UROS: variants seen among roughly 807,000 people sequenced by gnomAD.
UROS encodes the protein uroporphyrinogen III synthase.
UROS carries 18 observed loss-of-function variants against 33.0 expected under a neutral mutation model. The observed-to-expected ratio is 0.55, with a 90% CI of 0.38 to 0.81. UROS has a LOEUF of 0.81. UROS is among the 30% of genes least tolerant of loss of function. UROS has a pLI of 0.00. For synonymous variants in UROS, 114 were observed against 121.1 expected (o/e 0.94, Z 0.38); for missense variants, 293 against 314.9 (o/e 0.93, Z 0.53).
intron 6 of UROS, among the ~76,000 whole-genome samples, chr10:125,798,375 A>G (rs1851539986): frequency 6.6e-6 from 1 of 152,216 alleles, no homozygotes; most frequent in Non-Finnish European, 1.5e-5. Flanking sequence ...AGGTGCTCAG[A>G]AAATGAACAT....
chr10:125,811,188 G>C (rs898659500), intron 5 of UROS, among the ~76,000 whole-genome samples: 1 of 152,234 alleles, frequency 6.6e-6, no homozygotes, highest in Admixed American at 6.5e-5. Flanking sequence ...AAGGGGATGT[G>C]ATGCTCAAAA....
chr10:125,822,208 C>T (rs1201126702), intron 1 of UROS, among the ~76,000 whole-genome samples: 1 of 152,202 alleles, frequency 6.6e-6, no homozygotes, highest in Non-Finnish European at 1.5e-5. Flanking sequence ...GGCTGCATCC[C>T]CACCTGCCAC....
At position 125,816,230 on chromosome 10, in the gene UROS, A is replaced by G; in HGVS notation, c.94T>C (p.Leu32=). Residue 32 remains leucine, a synonymous_variant, in exon 3 of 10, where the codon TTG becomes CTG. Coordinates refer to ENST00000368797, the MANE Select transcript of UROS (RefSeq NM_000375.3). ...ELGLYGLEAT[L]IPVLSFEFLS... ...AACTCAAACGATAAAACAGGGATCA[A>G]AGTGGCTTCAAGTCCATATAATCCT... is the stretch of plus-strand genomic sequence containing the variant. 1.2e-6 allele frequency: 2 copies of G among 1,614,238 alleles called. No individual in the cohort carries two copies. Among genetic ancestry groups the G allele is most frequent in the Non-Finnish European group, 1.7e-6 (2 of 1,180,038 alleles).
chr10:125,789,837 G>A (rs181268371), intron 9 of UROS, among the ~76,000 whole-genome samples: 142 of 152,280 alleles, frequency 9.3e-4, no homozygotes, highest in Non-Finnish European at 1.7e-3. Context: ...TAGCCTCTCT[G>A]ATCCTCACCT....
In UROS at chr10:125,817,287, C is replaced by T. The variant is rs1037107177; in HGVS notation, c.-26-762G>A. Among the ~76,000 whole-genome samples the T allele has an allele frequency of 6.8e-5, 9 of 133,030 alleles. No homozygotes were observed. In the East Asian group the frequency reaches 1.6e-3, roughly 23 times the overall value. The allele number at this position is 133,030 out of a possible 152,430, so 87.3% of individuals were successfully genotyped here. ...TTCACCATGTTGCCCAGGCTAGTCTCGAACTCCTGAGCTCAGGTGATCTAC... is the reference window on the plus strand; with the variant it reads ...TTCACCATGTTGCCCAGGCTAGTCTTGAACTCCTGAGCTCAGGTGATCTAC... On this transcript the variant is annotated intron_variant, in intron 1 of 9. Coordinates refer to ENST00000368797, the MANE Select transcript of UROS (RefSeq NM_000375.3).
At chr10:125,794,745 A>G in intron 9 of UROS, 135 bp downstream of exon 9, 1 of 792,542 alleles carries the variant, frequency 1.3e-6, no homozygotes, top group Non-Finnish European at 2.0e-6. Context: ...CAGGAGGTAG[A>G]GCTGCCCTTC....
rs899209110 is a variant in UROS, at chr10:125,788,858, G to T, written c.*10C>A. 1.9e-6 allele frequency: 3 copies of T among 1,579,242 alleles called. No individual in the cohort carries two copies. Among genetic ancestry groups the T allele is most frequent in the African/African-American group, 1.3e-5 (1 of 74,520 alleles). ...GGGAGGCTGCATGGGGCCAGCGCTA[G>T]GTGGCTGACTCAGCAGCAGCCATGG... On this transcript the variant is annotated 3_prime_UTR_variant, in exon 10 of 10. Transcript: ENST00000368797.
chr10:125,802,681 T>C (rs780714533), intron 6 of UROS: 110 of 1,264,044 alleles, frequency 8.7e-5, no homozygotes, highest in Non-Finnish European at 1.1e-4. Context: ...CTTGAAAATG[T>C]CTCACAGTGC....
chr10:125,807,578 T>C, intron 5 of UROS, 91 bp from the exon 6 acceptor site: 3 of 972,242 alleles, frequency 3.1e-6, no homozygotes, highest in Non-Finnish European at 4.9e-6. Flanking sequence ...TACACAGGTA[T>C]GCAGTTTACA....
chr10:125,805,148 C>T (rs1000611595), intron 6 of UROS, among the ~76,000 whole-genome samples: 1 of 152,238 alleles, frequency 6.6e-6, no homozygotes, highest in Non-Finnish European at 1.5e-5. Flanking sequence ...TGCCAAGTGG[C>T]CGAAACACTC....
chr10:125,788,139 A>G (rs1850685141), downstream of UROS, among the ~76,000 whole-genome samples: 1 of 152,198 alleles, frequency 6.6e-6, no homozygotes, highest in Admixed American at 6.5e-5. Flanking sequence ...CCCACATGCT[A>G]CTAAGAGACA....
Position 125,796,388 on chromosome 10 carries a change from G to T in UROS, c.476-200C>A, listed in dbSNP as rs2281953. On this transcript the variant is annotated intron_variant, in intron 7 of 9. Transcript: ENST00000368797. ...CCTGCTAAACGCTGTGGAGTGGTCC[G>T]GTGGAAGAGGAGGCTGAGACGGCAG... Among the ~76,000 whole-genome samples the T allele has an allele frequency of 0.94, 142,436 of 152,288 alleles. 66,743 individuals carry two copies. Among genetic ancestry groups the T allele is most frequent in the African/African-American group, 0.98 (40,924 of 41,568 alleles).
At chr10:125,786,689 C>G (rs886854993), downstream of UROS, among the ~76,000 whole-genome samples, 1 of 152,174 alleles carries the variant, frequency 6.6e-6, no homozygotes, top group Non-Finnish European at 1.5e-5. Context: ...TGTTCACTCC[C>G]ATCTAGCCAC....
At chr10:125,789,224 C>T (rs750775201) in intron 9 of UROS, 44 of 1,435,784 alleles carry the variant, frequency 3.1e-5, no homozygotes, top group Non-Finnish European at 3.7e-5. Flanking sequence ...CCACCCTGAG[C>T]GACTGTCGCC....
At chr10:125,820,721 T>C (rs1590027660) in intron 1 of UROS, among the ~76,000 whole-genome samples, 4 of 152,178 alleles carry the variant, frequency 2.6e-5, no homozygotes, top group South Asian at 2.1e-4. Flanking sequence ...CCTGGGAGGT[T>C]TGAGTAACTT....
At chr10:125,788,468 A>G (rs1589905122), downstream of UROS, 1 of 940,314 alleles carries the variant, frequency 1.1e-6, no homozygotes. Context: ...TACTTTATAT[A>G]GAGCAAATTT....
intron 6 of UROS, chr10:125,802,301 T>G: frequency 1.0e-6 from 1 of 986,000 alleles, no homozygotes. Context: ...ACCAGTGCTC[T>G]CTGATCCGGA....
At chr10:125,809,190 G>A (rs963069858) in intron 5 of UROS, among the ~76,000 whole-genome samples, 7 of 152,198 alleles carry the variant, frequency 4.6e-5, no homozygotes, top group Admixed American at 3.9e-4. Context: ...ATTCCAAGTT[G>A]TTAATTGCTA....
intron 9 of UROS, chr10:125,793,848 C>G (rs1851135015): frequency 6.6e-6 from 1 of 152,218 alleles, no homozygotes; most frequent in South Asian, 2.1e-4. Flanking sequence ...CCCGGCCTCT[C>G]TCTAATCTTT....
Sources: gnomAD v4.1 joint callset for allele counts (sites outside exome capture counted in the v4.1 genomes callset) on GRCh38, gnomAD v4.1.1 for gene constraint, MANE v1.5 for transcripts, NCBI Gene and HGNC (gene_info 2026-07-23, HGNC 2026-07-21) for gene names.